The following AUTS2 variants were observed in gnomAD, a reference collection of about 807,000 sequenced individuals.
The protein encoded by AUTS2 is activator of transcription and developmental regulator AUTS2.
In AUTS2, 17 loss-of-function variants were observed where a neutral mutation model predicts 112.4. The observed-to-expected ratio is 0.15, with a 90% confidence interval of 0.10 to 0.23. The LOEUF is 0.23. AUTS2 is among the 10% of genes least tolerant of loss of function. AUTS2 has a pLI of 1.00. For missense variants in AUTS2, 1,510 were observed against 1,701.6 expected, an observed-to-expected ratio of 0.89 and a Z score of 1.98; for synonymous variants, 751 against 702.7, an observed-to-expected ratio of 1.07 and a Z score of -1.09.
At chr7:70,100,307 G>A (rs955800995) in intron 2 of AUTS2, among the ~76,000 whole-genome samples, 5 of 152,134 alleles carry the variant, frequency 3.3e-5, no homozygotes, top group African/African-American at 1.2e-4. Context: ...TCTGGGCCTG[G>A]TCTTGCATTT....
intron 5 of AUTS2, among the ~76,000 whole-genome samples, chr7:70,472,722 G>A (rs1376682887): frequency 2.0e-5 from 3 of 152,148 alleles, no homozygotes; most frequent in Non-Finnish European, 4.4e-5. Context: ...AGTAGAAACA[G>A]GCGTATTTGA....
At chr7:70,240,414 C>A (rs1043255238) in intron 4 of AUTS2, among the ~76,000 whole-genome samples, 3 of 152,104 alleles carry the variant, frequency 2.0e-5, no homozygotes, top group African/African-American at 7.2e-5. Context: ...AAGTGCCTGG[C>A]ATATGGAAGG....
At chr7:70,245,876 G>A (rs910165277) in intron 4 of AUTS2, among the ~76,000 whole-genome samples, 24 of 151,876 alleles carry the variant, frequency 1.6e-4, no homozygotes, top group South Asian at 6.2e-4. Flanking sequence ...TGTTGCCATC[G>A]TTTCCACATT....
chr7:70,667,761 G>A (rs549959709), intron 5 of AUTS2, among the ~76,000 whole-genome samples: 2 of 152,240 alleles, frequency 1.3e-5, no homozygotes, highest in South Asian at 4.1e-4. Context: ...TTAAAATCAG[G>A]GTTTAGTTTT....
At chr7:69,689,293 T>G (rs554531035) in intron 1 of AUTS2, among the ~76,000 whole-genome samples, 1 of 151,910 alleles carries the variant, frequency 6.6e-6, no homozygotes, top group Non-Finnish European at 1.5e-5. Context: ...GCTCCTCTTT[T>G]CTTCCTGATC....
At chr7:70,685,546 G>A (rs1452984455) in intron 5 of AUTS2, among the ~76,000 whole-genome samples, 3 of 151,086 alleles carry the variant, frequency 2.0e-5, no homozygotes, top group African/African-American at 4.9e-5. Context: ...CTCAAACTGA[G>A]CTGAAATGAT....
At chr7:70,708,853 A>G (rs1446640229) in intron 6 of AUTS2, among the ~76,000 whole-genome samples, 2 of 152,124 alleles carry the variant, frequency 1.3e-5, no homozygotes, top group Non-Finnish European at 2.9e-5. Context: ...AAAGATCTGT[A>G]CATCACCTAT....
At chr7:69,989,489 A>T (rs533449172) in intron 2 of AUTS2, among the ~76,000 whole-genome samples, 1 of 152,030 alleles carries the variant, frequency 6.6e-6, no homozygotes, top group South Asian at 2.1e-4. Flanking sequence ...CTGACACATA[A>T]GAGTTACGTA....
intron 1 of AUTS2, among the ~76,000 whole-genome samples, chr7:69,816,306 C>T (rs757408230): frequency 6.6e-5 from 10 of 152,202 alleles, no homozygotes; most frequent in African/African-American, 9.6e-5. Context: ...TCTCCCCAGA[C>T]GGAAGAATAT....
chr7:69,857,429 C>T (rs758751857), intron 1 of AUTS2, among the ~76,000 whole-genome samples: 1 of 152,194 alleles, frequency 6.6e-6, no homozygotes, highest in African/African-American at 2.4e-5. Context: ...TGGCATTCGA[C>T]CTGCCTGCTA....
At chr7:70,770,529 C>T (rs1379873836) in intron 10 of AUTS2, among the ~76,000 whole-genome samples, 3 of 152,154 alleles carry the variant, frequency 2.0e-5, no homozygotes, top group Admixed American at 6.5e-5. Context: ...CCAATAGGAC[C>T]TCAAAAAGAT....
At chr7:70,641,506 C>T (rs1161070473) in intron 5 of AUTS2, among the ~76,000 whole-genome samples, 6 of 152,026 alleles carry the variant, frequency 3.9e-5, no homozygotes, top group Non-Finnish European at 7.4e-5. Context: ...GAGCGGAGAT[C>T]GCACCACTGC....
At chr7:69,900,147 A>C (rs1450100585) in intron 2 of AUTS2, among the ~76,000 whole-genome samples, 1 of 152,200 alleles carries the variant, frequency 6.6e-6, no homozygotes, top group Non-Finnish European at 1.5e-5. Flanking sequence ...GGCATTTGGG[A>C]AGCCTTTCTG....
chr7:70,746,589 G>T (rs1788467817), intron 6 of AUTS2, among the ~76,000 whole-genome samples: 1 of 152,208 alleles, frequency 6.6e-6, no homozygotes, highest in Non-Finnish European at 1.5e-5. Flanking sequence ...AGAGCAGATG[G>T]CTAGCAGGGG....
intron 5 of AUTS2, among the ~76,000 whole-genome samples, chr7:70,546,464 A>G (rs1250696726): frequency 1.3e-5 from 2 of 150,752 alleles, no homozygotes; most frequent in South Asian, 2.1e-4. Flanking sequence ...AAAAAATTTA[A>G]TATAATATGT....
chr7:70,724,539 C>T (rs1156539182), intron 6 of AUTS2, among the ~76,000 whole-genome samples: 4 of 147,700 alleles, frequency 2.7e-5, no homozygotes, highest in Admixed American at 7.0e-5. Flanking sequence ...TCCACCTCCT[C>T]GGTTCACACC....
At chr7:70,307,550 C>T (rs1789544507) in intron 4 of AUTS2, among the ~76,000 whole-genome samples, 1 of 152,192 alleles carries the variant, frequency 6.6e-6, no homozygotes, top group African/African-American at 2.4e-5. Flanking sequence ...CATGCTCTAG[C>T]TTTACATACA....
chr7:70,359,553 C>T (rs1033375400), intron 4 of AUTS2, among the ~76,000 whole-genome samples: 4 of 152,106 alleles, frequency 2.6e-5, no homozygotes, highest in Non-Finnish European at 5.9e-5. Context: ...GAAGTGGACA[C>T]GGGTGAAGAA....
At chr7:70,433,683 C>T (rs976657277) in intron 4 of AUTS2, among the ~76,000 whole-genome samples, 5 of 152,172 alleles carry the variant, frequency 3.3e-5, no homozygotes. Context: ...TTGGTTAAAT[C>T]GCTGTCACTG....
Sources: allele counts gnomAD v4.1 joint callset (sites outside exome capture counted in the v4.1 genomes callset), GRCh38; gene constraint gnomAD v4.1.1; transcripts MANE v1.5; gene names NCBI Gene and HGNC (gene_info 2026-07-23, HGNC 2026-07-21).